Variants in PDE4B observed in about 807,000 individuals in gnomAD.
The protein encoded by PDE4B is 3',5'-cyclic-AMP phosphodiesterase 4B.
Under a neutral mutation model 82.2 loss-of-function variants are expected in PDE4B, and 20 were observed. The observed-to-expected ratio is 0.24, with a 90% CI of 0.17 to 0.35. The LOEUF is 0.35. PDE4B is among the 10% of genes least tolerant of loss of function. PDE4B has a pLI of 1.00. For synonymous variants in PDE4B, 320 were observed against 318.9 expected (o/e 1.00, Z -0.04); for missense variants, 655 against 907.2 (o/e 0.72, Z 3.57).
At position 66,080,782 on chromosome 1, in the gene PDE4B, C is replaced by T. The variant is rs151101443; in HGVS notation, c.281+161947C>T. 2.0e-3 allele frequency among the ~76,000 whole-genome samples: 297 copies of T among 152,160 alleles called. 1 individual carries two copies. The highest frequency in any genetic ancestry group is 1.9e-3 in the Non-Finnish European group (129 of 68,000). Reference sequence around the variant, plus strand: ...TAACTTTTATTTTAGAATTGTGGGTCCATGTGCAGGATTGTCACAGAGGTA... The same window carrying T: ...TAACTTTTATTTTAGAATTGTGGGTTCATGTGCAGGATTGTCACAGAGGTA... On this transcript the variant is annotated intron_variant, in intron 3 of 16. Coordinates refer to ENST00000341517, the MANE Select transcript of PDE4B (RefSeq NM_002600.4).
chr1:65,965,602 C>T (rs778369253), intron 3 of PDE4B, among the ~76,000 whole-genome samples: 1 of 151,718 alleles, frequency 6.6e-6, no homozygotes, highest in South Asian at 2.1e-4. Flanking sequence ...CTGATGGGAA[C>T]AAACCCAAAC....
At chr1:65,936,859 C>A (rs1296951803) in intron 3 of PDE4B, among the ~76,000 whole-genome samples, 1 of 152,176 alleles carries the variant, frequency 6.6e-6, no homozygotes, top group Non-Finnish European at 1.5e-5. Context: ...GAATTTTAAT[C>A]TGGGGGCAAT....
At chr1:66,283,005 T>C (rs1345117816) in intron 7 of PDE4B, among the ~76,000 whole-genome samples, 1 of 152,170 alleles carries the variant, frequency 6.6e-6, no homozygotes, top group Non-Finnish European at 1.5e-5. Context: ...ATAATCCCTG[T>C]TAGCCTTGTC....
chr1:66,246,377 C>T (rs1354339679), intron 3 of PDE4B, among the ~76,000 whole-genome samples: 1 of 152,114 alleles, frequency 6.6e-6, no homozygotes, highest in Non-Finnish European at 1.5e-5. Flanking sequence ...AAATCATGGC[C>T]GCTGAATTGG....
At chr1:65,942,358 CCTT>C (rs1251450838) in intron 3 of PDE4B, among the ~76,000 whole-genome samples, 2 of 151,820 alleles carry the variant, frequency 1.3e-5, no homozygotes, top group African/African-American at 2.4e-5. Context: ...GACAGAAATT[CCTT>C]CTTTTTTTTT....
chr1:65,913,356 T>C lies in PDE4B; in HGVS notation c.42T>C (p.Asp14=), dbSNP rs773043262. Residue 14 remains aspartate (D), a splice_region_variant and synonymous_variant, in exon 2 of 17, where the codon GAT becomes GAC. Transcript: ENST00000341517. ...SRSVMTVMAD[D]NVKDYFECSL... Reference sequence around the variant, plus strand: ...GTGTGATGACGGTGATGGCTGATGATGTAAGTTTCAAAAGGTCCCAATCAT... The same window carrying C: ...GTGTGATGACGGTGATGGCTGATGACGTAAGTTTCAAAAGGTCCCAATCAT... The C allele has an allele frequency of 6.2e-7, 1 of 1,613,584 alleles. No homozygotes were observed. Among genetic ancestry groups the C allele is most frequent in the Non-Finnish European group, 8.5e-7 (1 of 1,179,580 alleles).
chr1:66,137,565 A>C (rs1465975762), intron 3 of PDE4B, among the ~76,000 whole-genome samples: 1 of 152,186 alleles, frequency 6.6e-6, no homozygotes, highest in Non-Finnish European at 1.5e-5. Context: ...CCTAACATAC[A>C]GATCTGGAAT....
intron 1 of PDE4B, among the ~76,000 whole-genome samples, chr1:65,816,391 T>C (rs1645886550): frequency 6.6e-6 from 1 of 152,166 alleles, no homozygotes; most frequent in Non-Finnish European, 1.5e-5. Flanking sequence ...AATTGATAAT[T>C]CATAAAAGGT....
intron 1 of PDE4B, among the ~76,000 whole-genome samples, chr1:65,902,531 A>G (rs1177706336): frequency 2.6e-5 from 4 of 152,182 alleles, no homozygotes; most frequent in Non-Finnish European, 5.9e-5. Context: ...GCAGACTTAC[A>G]TAACTTTCCT....
At chr1:66,023,190 G>T (rs1213585450) in intron 3 of PDE4B, among the ~76,000 whole-genome samples, 1 of 152,080 alleles carries the variant, frequency 6.6e-6, no homozygotes, top group African/African-American at 2.4e-5. Context: ...TGTCATCCTG[G>T]TGGATCTAAA....
chr1:65,868,771 C>T (rs1019702112), intron 1 of PDE4B, among the ~76,000 whole-genome samples: 1 of 152,212 alleles, frequency 6.6e-6, no homozygotes, highest in Non-Finnish European at 1.5e-5. Context: ...ACTCTGCCTC[C>T]TGTCAGATCA....
At chr1:65,803,550 T>C (rs1465930027) in intron 1 of PDE4B, among the ~76,000 whole-genome samples, 1 of 152,162 alleles carries the variant, frequency 6.6e-6, no homozygotes, top group African/African-American at 2.4e-5. Context: ...GGGAAGAGAA[T>C]GTACAGAAAG....
rs187589740 is a variant in PDE4B at position 65,967,479 on chromosome 1, A to G, written c.281+48644A>G. Among the ~76,000 whole-genome samples, 702 of 152,242 alleles carry G rather than the reference A, an allele frequency of 4.6e-3. 5 individuals are homozygous for G. The highest frequency in any genetic ancestry group is 7.9e-3 in the Non-Finnish European group (534 of 67,998). On this transcript the variant is annotated intron_variant, in intron 3 of 16. Coordinates refer to ENST00000341517, the MANE Select transcript of PDE4B (RefSeq NM_002600.4). The stretch of plus-strand genomic sequence containing the variant: ...CAACCATTGTGGAAGACAGTGTAGC[A>G]ATTCCTCAAGGATCTAGAACTAGAA...
intron 3 of PDE4B, chr1:66,042,536 A>G (rs894037831): frequency 6.6e-6 from 1 of 151,782 alleles, no homozygotes; most frequent in Non-Finnish European, 1.5e-5. Context: ...ATTGAATTCA[A>G]AGGGCAGAAC....
At chr1:66,083,132 A>G (rs546851718) in intron 3 of PDE4B, among the ~76,000 whole-genome samples, 4 of 152,154 alleles carry the variant, frequency 2.6e-5, no homozygotes. Context: ...GTCCATGCCT[A>G]TAGTATTTTC....
chr1:66,105,867 G>C (rs2455015), intron 3 of PDE4B, among the ~76,000 whole-genome samples: 151,366 of 151,798 alleles, frequency 1, 75,469 homozygotes, highest in Middle Eastern at 1. Flanking sequence ...TCTAGATATA[G>C]AATCATGTCA....
chr1:65,833,651 A>G (rs982865263), intron 1 of PDE4B, among the ~76,000 whole-genome samples: 2 of 152,184 alleles, frequency 1.3e-5, no homozygotes, highest in African/African-American at 4.8e-5. Context: ...GCCTCTTCCA[A>G]TGGATAACCT....
At position 65,953,426 on chromosome 1, in the gene PDE4B, G is replaced by T. The variant is rs180917263; in HGVS notation, c.281+34591G>T. ...GTGGTGATCCTAGATAATCTAGTCC[G>T]ATGAAATCACAAGGGTCTTTATAAG... On this transcript the variant is annotated intron_variant, in intron 3 of 16. Transcript: ENST00000341517. Among the ~76,000 whole-genome samples the T allele has an allele frequency of 6.6e-5, 10 of 152,168 alleles. No individual in the cohort carries two copies. In the South Asian group the frequency reaches 1.7e-3, roughly 25 times the overall value.
At chr1:65,914,091 T>A (rs531860282) in intron 2 of PDE4B, among the ~76,000 whole-genome samples, 1 of 152,276 alleles carries the variant, frequency 6.6e-6, no homozygotes, top group East Asian at 1.9e-4. Context: ...CTGTTTGTAA[T>A]TGAACTAAAA....
Sources: gnomAD v4.1 joint callset for allele counts (sites outside exome capture counted in the v4.1 genomes callset) on GRCh38, gnomAD v4.1.1 for gene constraint, MANE v1.5 for transcripts, NCBI Gene and HGNC (gene_info 2026-07-23, HGNC 2026-07-21) for gene names.